The following SLC4A10 variants were observed in gnomAD, a reference collection of about 807,000 sequenced individuals.
SLC4A10 encodes the protein sodium-driven chloride bicarbonate exchanger.
A neutral mutation model predicts 137.7 loss-of-function variants in SLC4A10; 42 were observed. The observed-to-expected ratio is 0.30, with a 90% CI of 0.24 to 0.39. The LOEUF (loss-of-function observed/expected upper bound fraction) is 0.39. Among genes scored for constraint, SLC4A10 ranks in the 10% least tolerant of loss-of-function variants. SLC4A10 has a pLI of 1.00. For synonymous variants in SLC4A10, 474 were observed against 464.1 expected (o/e 1.02, Z -0.27); for missense variants, 925 against 1,355.0 (o/e 0.68, Z 4.98).
intron 3 of SLC4A10, among the ~76,000 whole-genome samples, chr2:161,818,810 G>T (rs2057352738): frequency 6.6e-6 from 1 of 152,158 alleles, no homozygotes; most frequent in Admixed American, 6.5e-5. Flanking sequence ...AACCAGCCTT[G>T]CATCCCAGGG....
chr2:161,668,031 C>T (rs1017296066), intron 1 of SLC4A10, among the ~76,000 whole-genome samples: 5 of 151,848 alleles, frequency 3.3e-5, no homozygotes, highest in Non-Finnish European at 5.9e-5. Context: ...TATCATTATA[C>T]ATAGCAGCAA....
chr2:161,916,354 A>C (rs1158113313), intron 15 of SLC4A10, among the ~76,000 whole-genome samples: 1 of 152,166 alleles, frequency 6.6e-6, no homozygotes, highest in Non-Finnish European at 1.5e-5. Context: ...TTTCCTAGCA[A>C]ATTCTCTATA....
chr2:161,876,626 G>T (rs2061466038), intron 8 of SLC4A10, among the ~76,000 whole-genome samples: 3 of 152,164 alleles, frequency 2.0e-5, no homozygotes, highest in African/African-American at 7.2e-5. Context: ...CGAGGCTGCA[G>T]TGAGCTGGGA....
chr2:161,722,467 G>A (rs2125127123), intron 1 of SLC4A10, among the ~76,000 whole-genome samples: 1 of 152,304 alleles, frequency 6.6e-6, no homozygotes, highest in Middle Eastern at 3.4e-3. Flanking sequence ...GTGGTTTGCT[G>A]GGGGTCCTCT....
intron 1 of SLC4A10, among the ~76,000 whole-genome samples, chr2:161,634,945 G>A (rs978069149): frequency 6.6e-6 from 1 of 151,410 alleles, no homozygotes; most frequent in African/African-American, 2.4e-5. Flanking sequence ...CCATATATAA[G>A]GAGACTTCAA....
At chr2:161,660,661 CTTTTT>C (rs1422527432) in intron 1 of SLC4A10, among the ~76,000 whole-genome samples, 1 of 130,004 alleles carries the variant, frequency 7.7e-6, no homozygotes. Flanking sequence ...TCTTTCTTTC[CTTTTT>C]TTTTTGAGAC....
intron 1 of SLC4A10, among the ~76,000 whole-genome samples, chr2:161,693,549 A>G (rs2042200495): frequency 6.6e-6 from 1 of 151,546 alleles, no homozygotes. Flanking sequence ...AGTTCTATTG[A>G]GTTTAATTAA....
At chr2:161,671,109 A>G (rs2039657793) in intron 1 of SLC4A10, among the ~76,000 whole-genome samples, 2 of 152,148 alleles carry the variant, frequency 1.3e-5, no homozygotes, top group Admixed American at 1.3e-4. Flanking sequence ...TGCCAGTGTG[A>G]TAGTATTAAA....
At chr2:161,828,802 A>G (rs1489167518) in intron 3 of SLC4A10, among the ~76,000 whole-genome samples, 4 of 118,576 alleles carry the variant, frequency 3.4e-5, no homozygotes, top group Admixed American at 2.8e-4. Context: ...ATATATATAT[A>G]TATATATGTA....
chr2:161,661,472 C>CA (rs1411754406), intron 1 of SLC4A10, among the ~76,000 whole-genome samples: 16 of 152,120 alleles, frequency 1.1e-4, no homozygotes, highest in East Asian at 1.9e-4. Context: ...GACTGCGTCT[C>CA]AAAAAAAGAG....
At chr2:161,680,262 C>T (rs1412394161) in intron 1 of SLC4A10, among the ~76,000 whole-genome samples, 1 of 152,114 alleles carries the variant, frequency 6.6e-6, no homozygotes, top group Non-Finnish European at 1.5e-5. Context: ...TGCTGTCATT[C>T]ATACTTAATA....
intron 4 of SLC4A10, among the ~76,000 whole-genome samples, chr2:161,844,779 A>G (rs1280039731): frequency 6.6e-6 from 1 of 152,092 alleles, no homozygotes; most frequent in Admixed American, 6.6e-5. Context: ...TTAATCCTCA[A>G]AGAATTCATG....
At chr2:161,721,627 T>C (rs964239005) in intron 1 of SLC4A10, among the ~76,000 whole-genome samples, 1 of 152,188 alleles carries the variant, frequency 6.6e-6, no homozygotes, top group African/African-American at 2.4e-5. Flanking sequence ...ATTTTTTCCT[T>C]CATTTCTACC....
At chr2:161,903,899 T>G (rs757043677) in intron 12 of SLC4A10, 105 bp from the exon 13 acceptor site, 21 of 1,164,328 alleles carry the variant, frequency 1.8e-5, no homozygotes, top group Non-Finnish European at 2.5e-5. Flanking sequence ...TCACCTCTGC[T>G]GATGGAAAAC....
chr2:161,720,381 CT>C (rs1424329738), intron 1 of SLC4A10, among the ~76,000 whole-genome samples: 4 of 152,124 alleles, frequency 2.6e-5, no homozygotes, highest in Non-Finnish European at 5.9e-5. Context: ...GATGTGGGTT[CT>C]TTTTTGGTTC....
intron 1 of SLC4A10, among the ~76,000 whole-genome samples, chr2:161,682,261 T>C (rs978708945): frequency 6.6e-6 from 1 of 152,192 alleles, no homozygotes; most frequent in African/African-American, 2.4e-5. Context: ...TATAATTTCA[T>C]TTAATCCAGA....
intron 1 of SLC4A10, among the ~76,000 whole-genome samples, chr2:161,689,427 T>A (rs927706106): frequency 1.3e-5 from 2 of 152,190 alleles, no homozygotes; most frequent in African/African-American, 2.4e-5. Context: ...ATACTTACCA[T>A]TGTATTACAA....
intron 26 of SLC4A10, among the ~76,000 whole-genome samples, chr2:161,979,620 C>T (rs1699921859): frequency 6.6e-6 from 1 of 152,204 alleles, no homozygotes; most frequent in African/African-American, 2.4e-5. Flanking sequence ...TCTAAAACTA[C>T]TGATACTAAT....
intron 2 of SLC4A10, among the ~76,000 whole-genome samples, chr2:161,779,571 CA>C (rs1173187196): frequency 1.3e-5 from 2 of 151,500 alleles, no homozygotes; most frequent in Admixed American, 6.6e-5. Context: ...ACTAAAAAGC[CA>C]AATATAATAA....
Sources: gnomAD v4.1 joint callset for allele counts (sites outside exome capture counted in the v4.1 genomes callset) on GRCh38, gnomAD v4.1.1 for gene constraint, MANE v1.5 for transcripts, NCBI Gene and HGNC (gene_info 2026-07-23, HGNC 2026-07-21) for gene names.